Variants in FSTL4 observed in about 807,000 individuals in gnomAD.
The protein encoded by FSTL4 is follistatin-related protein 4.
In FSTL4, 28 loss-of-function variants were observed where a neutral mutation model predicts 78.2. That is an observed-to-expected ratio of 0.36 (90% confidence interval 0.27 to 0.49). The LOEUF is 0.49. Among genes scored for constraint, FSTL4 ranks in the 20% least tolerant of loss-of-function variants. FSTL4 has a pLI of 0.98. For synonymous variants in FSTL4, 422 were observed against 440.5 expected (o/e 0.96, Z 0.53); for missense variants, 922 against 1,084.9 (o/e 0.85, Z 2.11).
At chr5:133,455,804 T>G (rs1381823033) in intron 3 of FSTL4, among the ~76,000 whole-genome samples, 2 of 152,352 alleles carry the variant, frequency 1.3e-5, no homozygotes, top group East Asian at 3.9e-4. Context: ...CCTGGCCTGG[T>G]GCCCACACTC....
intron 13 of FSTL4, among the ~76,000 whole-genome samples, chr5:133,213,817 A>T (rs2126777086): frequency 6.6e-6 from 1 of 152,328 alleles, no homozygotes; most frequent in South Asian, 2.1e-4. Context: ...GACTAAGATG[A>T]TTAAATTAGA....
At chr5:133,482,678 A>G (rs2112859786) in intron 3 of FSTL4, among the ~76,000 whole-genome samples, 1 of 152,312 alleles carries the variant, frequency 6.6e-6, no homozygotes, top group East Asian at 1.9e-4. Context: ...TCACCACAGC[A>G]CATGGCTTGC....
the FSTL4 span, among the ~76,000 whole-genome samples, chr5:133,744,958 G>A: frequency 3.9e-5 from 6 of 152,292 alleles, no homozygotes; most frequent in East Asian, 7.7e-4. Flanking sequence ...CCATCAAAGG[G>A]ACAGGCTGGG....
the FSTL4 span, among the ~76,000 whole-genome samples, chr5:133,762,107 A>G: frequency 6.6e-6 from 1 of 152,146 alleles, no homozygotes; most frequent in Non-Finnish European, 1.5e-5. Flanking sequence ...ACAACTTGGA[A>G]AGAGAATTTT....
At chr5:133,810,781 C>T in the FSTL4 span, among the ~76,000 whole-genome samples, 2 of 152,188 alleles carry the variant, frequency 1.3e-5, no homozygotes, top group Non-Finnish European at 2.9e-5. Flanking sequence ...CCGGCCAGCA[C>T]CATGTTGCCT....
chr5:133,241,247 A>G (rs181255605), intron 7 of FSTL4, among the ~76,000 whole-genome samples: 6 of 152,330 alleles, frequency 3.9e-5, no homozygotes, highest in East Asian at 3.9e-4. Flanking sequence ...AACACTTACA[A>G]TGAGTTCTGT....
rs1239125666 is a variant in FSTL4, at chr5:133,535,360, G to T, written c.160+31826C>A. On this transcript the variant is annotated intron_variant, in intron 3 of 15. Coordinates refer to ENST00000265342, the MANE Select transcript of FSTL4 (RefSeq NM_015082.2). Reference sequence around the variant, plus strand: ...TAACGCCCAAGCTGGAAGGTTGTGGGTTTAAGGGAATGAGGGCAAGGAACA... The same window carrying T: ...TAACGCCCAAGCTGGAAGGTTGTGGTTTTAAGGGAATGAGGGCAAGGAACA... 2.0e-5 allele frequency among the ~76,000 whole-genome samples: 3 copies of T among 152,334 alleles called. No individual in the cohort carries two copies. The East Asian group carries it at 5.8e-4, about 29-fold the overall frequency.
chr5:133,351,395 C>G (rs1455944677), intron 4 of FSTL4, among the ~76,000 whole-genome samples: 1 of 152,154 alleles, frequency 6.6e-6, no homozygotes, highest in African/African-American at 2.4e-5. Context: ...AAATTCCCAG[C>G]CATTATCTCT....
intron 4 of FSTL4, among the ~76,000 whole-genome samples, chr5:133,369,242 AGAGAATCAT>A (rs772723164): frequency 2.6e-5 from 4 of 152,238 alleles, no homozygotes; most frequent in African/African-American, 9.6e-5. Flanking sequence ...GCTTGGCTAA[AGAGAATCAT>A]GCCTCTTAAT....
chr5:133,728,636 T>C, the FSTL4 span, among the ~76,000 whole-genome samples: 1 of 152,222 alleles, frequency 6.6e-6, no homozygotes, highest in African/African-American at 2.4e-5. Flanking sequence ...TCAGCCTGCA[T>C]GAAATATGAT....
chr5:133,432,764 C>T (rs1278101105), intron 3 of FSTL4, among the ~76,000 whole-genome samples: 1 of 152,158 alleles, frequency 6.6e-6, no homozygotes, highest in African/African-American at 2.4e-5. Context: ...GCTGGCGAGG[C>T]CCACTCACTT....
intron 3 of FSTL4, among the ~76,000 whole-genome samples, chr5:133,507,745 T>C (rs1020090274): frequency 6.6e-6 from 1 of 151,844 alleles, no homozygotes; most frequent in African/African-American, 2.4e-5. Flanking sequence ...ATGGTCTCAA[T>C]ATCCTGACCT....
At chr5:133,589,909 C>G (rs1203258193) in intron 2 of FSTL4, among the ~76,000 whole-genome samples, 1 of 152,176 alleles carries the variant, frequency 6.6e-6, no homozygotes, top group African/African-American at 2.4e-5. Context: ...ATCTTGAAGC[C>G]TCAATTTCTA....
the FSTL4 span, among the ~76,000 whole-genome samples, chr5:133,729,226 AACACACACACACACAC>A: frequency 6.7e-6 from 1 of 148,310 alleles, no homozygotes; most frequent in Non-Finnish European, 1.5e-5. Flanking sequence ...GATTTATGAA[AACACACACACACACAC>A]ACACACACAC....
At chr5:133,560,130 C>T (rs1485349935) in intron 3 of FSTL4, among the ~76,000 whole-genome samples, 2 of 152,174 alleles carry the variant, frequency 1.3e-5, no homozygotes, top group African/African-American at 4.8e-5. Context: ...GAGAGCTGTC[C>T]CAGGGCAAAG....
intron 2 of FSTL4, among the ~76,000 whole-genome samples, chr5:133,574,099 G>A (rs749212462): frequency 7.9e-5 from 12 of 152,158 alleles, no homozygotes; most frequent in Non-Finnish European, 1.3e-4. Context: ...GAAAAGGGAA[G>A]CCATTAAGGA....
Position 133,400,919 on chromosome 5 carries a change from G to C in FSTL4, c.228C>G (p.Cys76Trp). 1 of 1,613,620 alleles carries C rather than the reference G, an allele frequency of 6.2e-7. No homozygotes were observed. Among genetic ancestry groups the C allele is most frequent in the Non-Finnish European group, 8.5e-7 (1 of 1,179,994 alleles). ...GKKFCSRGSR[C>W]VLSRKTGEPE... ...GCTCCCCTGTCTTCCTGCTGAGCAC[G>C]CACCGGCTCCCTCGGCTGCAGAACT... is the stretch of plus-strand genomic sequence containing the variant. The change falls in exon 4 of 16, where the codon TGC (cysteine) becomes TGG (tryptophan). Residue 76 changes from cysteine to tryptophan, a missense_variant. Physicochemically the swap from Cys to Trp is radical, Grantham distance 215 (BLOSUM62 -2). Transcript: ENST00000265342.
the FSTL4 span, among the ~76,000 whole-genome samples, chr5:133,825,804 C>A: frequency 6.6e-6 from 1 of 152,230 alleles, no homozygotes; most frequent in African/African-American, 2.4e-5. Context: ...TCGGTGACAT[C>A]TGCCTGCTCT....
chr5:133,783,826 C>G, the FSTL4 span, among the ~76,000 whole-genome samples: 1 of 152,172 alleles, frequency 6.6e-6, no homozygotes, highest in Non-Finnish European at 1.5e-5. Flanking sequence ...TGTGAGGCTC[C>G]TTTTTTCAGG....
Sources: gnomAD v4.1 joint callset for allele counts (sites outside exome capture counted in the v4.1 genomes callset) on GRCh38, gnomAD v4.1.1 for gene constraint, MANE v1.5 for transcripts, NCBI Gene and HGNC (gene_info 2026-07-23, HGNC 2026-07-21) for gene names.